RXFP2: variants seen among roughly 807,000 people sequenced by gnomAD.
The protein encoded by RXFP2 is relaxin receptor 2.
Under a neutral mutation model 88.6 loss-of-function variants are expected in RXFP2, and 68 were observed. The ratio of observed to expected loss-of-function variants is 0.77; its 90% CI spans 0.63 to 0.94. The LOEUF (loss-of-function observed/expected upper bound fraction) is 0.94, where lower values mean the gene tolerates loss of function less well. Among genes scored for constraint, RXFP2 ranks in the 40% least tolerant of loss-of-function variants. The probability of loss-of-function intolerance (pLI) is 0.00; values close to 1 mark genes in which losing one functional copy is unlikely to be tolerated. For synonymous variants in RXFP2, 329 were observed against 306.8 expected, an observed-to-expected ratio of 1.07 and a Z score of -0.76; for missense variants, 791 against 893.9, an observed-to-expected ratio of 0.88 and a Z score of 1.47.
chr13:31,740,237 ATTTTC>A (rs1181322644), intron 1 of RXFP2, among the ~76,000 whole-genome samples: 1 of 152,070 alleles, frequency 6.6e-6, no homozygotes, highest in Non-Finnish European at 1.5e-5. Context: ...TACTTAGATA[ATTTTC>A]TTTTGTTTTT....
rs2138440582 is a variant in RXFP2, at chr13:31,781,737, A to T, written c.852A>T (p.Thr284=). The T allele has an allele frequency of 1.2e-6, 2 of 1,607,282 alleles. No homozygotes were observed. The highest frequency in any genetic ancestry group is 1.7e-6 in the Non-Finnish European group (2 of 1,174,060). ...CGTTTCTGTCGTGCGATTCGCTCAC[A>T]GTGCTGTAAGTATACAATGGACTTC... ...NSTFLSCDSL[T]VLFLPRNQIG... Residue 284 remains threonine (T), a synonymous_variant, in exon 10 of 18, where the codon ACA becomes ACT. Transcript: ENST00000298386.
At position 31,793,072 on chromosome 13, in the gene RXFP2, T is replaced by C. The variant is rs754916416; in HGVS notation, c.1770T>C (p.Ser590=). The change falls in exon 16 of 18, where the codon TCT becomes TCC. Residue 590 remains serine, a synonymous_variant. Transcript: ENST00000298386. ...AAGATATTGGAAGCAAAGGGTATTC[T>C]CTTGGAATTTTCCTAGGTAAATTAT... is the stretch of plus-strand genomic sequence containing the variant. ...QTEDIGSKGY[S]LGIFLGVNLL... 1 of 1,611,748 alleles carries C rather than the reference T, an allele frequency of 6.2e-7. No homozygotes were observed. The highest frequency in any genetic ancestry group is 1.1e-5 in the South Asian group (1 of 90,866).
intron 1 of RXFP2, among the ~76,000 whole-genome samples, chr13:31,752,473 A>G (rs1471696481): frequency 1.3e-5 from 2 of 152,130 alleles, no homozygotes; most frequent in Non-Finnish European, 1.5e-5. Flanking sequence ...GAATATAACG[A>G]TTGATGTGGC....
intron 17 of RXFP2, 127 bp from the exon 18 acceptor site, chr13:31,802,019 A>C: frequency 1.1e-6 from 1 of 885,800 alleles, no homozygotes; most frequent in Non-Finnish European, 1.8e-6. Flanking sequence ...ATTTTCCTTC[A>C]GGTGAGAGAA....
intron 17 of RXFP2, among the ~76,000 whole-genome samples, chr13:31,800,490 T>C (rs1874280102): frequency 6.6e-6 from 1 of 152,160 alleles, no homozygotes; most frequent in African/African-American, 2.4e-5. Flanking sequence ...GAGAATGGCA[T>C]GAACATAAGA....
At chr13:31,764,243 T>TCACACACACACA (rs56132108) in intron 3 of RXFP2, among the ~76,000 whole-genome samples, 1,326 of 131,752 alleles carry the variant, frequency 0.01, 9 homozygotes, top group Non-Finnish European at 0.014. Flanking sequence ...TCTCTCTCTT[T>TCACACACACACA]CACACACACA....
chr13:31,778,209 A>T (rs1215395231), intron 8 of RXFP2, among the ~76,000 whole-genome samples: 1 of 152,190 alleles, frequency 6.6e-6, no homozygotes, highest in African/African-American at 2.4e-5. Flanking sequence ...TACAAGGAAA[A>T]TTACCATGAA....
intron 1 of RXFP2, among the ~76,000 whole-genome samples, chr13:31,748,595 A>G (rs572531815): frequency 6.6e-6 from 1 of 152,006 alleles, no homozygotes; most frequent in East Asian, 1.9e-4. Context: ...TTCTTTATTG[A>G]TTAGTAGGAC....
At chr13:31,781,853 C>T (rs1873298464) in intron 10 of RXFP2, 111 bp downstream of exon 10, 1 of 800,058 alleles carries the variant, frequency 1.2e-6, no homozygotes, top group Admixed American at 2.1e-5. Context: ...CAGCCTTGGT[C>T]TGACACTGCA....
At chr13:31,758,085 A>C (rs1872051451) in intron 1 of RXFP2, among the ~76,000 whole-genome samples, 173 bp from the exon 2 acceptor site, 1 of 152,062 alleles carries the variant, frequency 6.6e-6, no homozygotes, top group Non-Finnish European at 1.5e-5. Flanking sequence ...ACTCCGTCTA[A>C]AAATAAAAAA....
chr13:31,775,510 A>G lies in RXFP2; in HGVS notation c.641+121A>G, dbSNP rs185964717. The G allele has an allele frequency of 2.2e-4, 172 of 796,752 alleles. 2 individuals are homozygous for G. The Admixed American group carries it at 3.3e-3, about 15-fold the overall frequency. The allele number at this position is 796,752 out of a possible 1,614,324, so 49.4% of individuals were successfully genotyped here. A position where few individuals can be genotyped will look rare whatever the true frequency, so the allele number is the denominator to read the frequency against. ...TTTTATACTTGCTTTTCTGATTATC[A>G]TATAATCTGCAGAACTTTATCCAGG... On this transcript the variant is annotated intron_variant, in intron 7 of 17. Transcript: ENST00000298386.
At chr13:31,776,611 A>C (rs1872998789) in intron 7 of RXFP2, among the ~76,000 whole-genome samples, 1 of 152,070 alleles carries the variant, frequency 6.6e-6, no homozygotes, top group Non-Finnish European at 1.5e-5. Context: ...TGTAAATTAT[A>C]ATTCCTTTCC....
At chr13:31,740,880 T>C (rs1871204124) in intron 1 of RXFP2, among the ~76,000 whole-genome samples, 1 of 152,084 alleles carries the variant, frequency 6.6e-6, no homozygotes, top group Non-Finnish European at 1.5e-5. Context: ...TCTATTTCTA[T>C]ATTTAAGGTC....
chr13:31,789,227 G>A (rs1327438027), intron 14 of RXFP2, 34 bp downstream of exon 14: 8 of 1,309,850 alleles, frequency 6.1e-6, no homozygotes, highest in Middle Eastern at 1.8e-4. Context: ...GAGGAAGCAT[G>A]GTAAAATGCT....
chr13:31,769,105 C>T (rs1872648369), intron 5 of RXFP2, among the ~76,000 whole-genome samples: 1 of 152,108 alleles, frequency 6.6e-6, no homozygotes, highest in South Asian at 2.1e-4. Flanking sequence ...ATGAACAACA[C>T]AGATGAAAAG....
intron 5 of RXFP2, among the ~76,000 whole-genome samples, chr13:31,768,455 G>A (rs902095302): frequency 1.3e-5 from 2 of 152,156 alleles, no homozygotes; most frequent in Non-Finnish European, 2.9e-5. Context: ...TCCAAAGTCT[G>A]TGAGGTGGGG....
chr13:31,753,811 T>A lies in RXFP2; in HGVS notation c.95-4447T>A, dbSNP rs531920317. 2.6e-5 allele frequency among the ~76,000 whole-genome samples: 4 copies of A among 152,272 alleles called. No individual in the cohort carries two copies. The East Asian group carries it at 7.7e-4, about 29-fold the overall frequency. On this transcript the variant is annotated intron_variant, in intron 1 of 17. Coordinates refer to ENST00000298386, the MANE Select transcript of RXFP2 (RefSeq NM_130806.5). The stretch of plus-strand genomic sequence containing the variant: ...AAAAGTGCTCTTCCTTCAATTCCTT[T>A]TTTTTTTATTTCTAAATGGCTCATT...
At chr13:31,784,365 T>C (rs899964760) in intron 11 of RXFP2, among the ~76,000 whole-genome samples, 3 of 152,156 alleles carry the variant, frequency 2.0e-5, no homozygotes, top group Non-Finnish European at 2.9e-5. Flanking sequence ...GGCATTCATA[T>C]GTCTTGAGTT....
chr13:31,773,236 C>G (rs1872797808), intron 5 of RXFP2, among the ~76,000 whole-genome samples: 2 of 152,152 alleles, frequency 1.3e-5, no homozygotes, highest in African/African-American at 4.8e-5. Flanking sequence ...GTTAAGATGG[C>G]ACAAGGTCAC....
Sources: gnomAD v4.1 joint callset for allele counts (sites outside exome capture counted in the v4.1 genomes callset) on GRCh38, gnomAD v4.1.1 for gene constraint, MANE v1.5 for transcripts, NCBI Gene and HGNC (gene_info 2026-07-23, HGNC 2026-07-21) for gene names.